RAB9B: variants seen among roughly 807,000 people sequenced by gnomAD.
RAB9B encodes ras-related protein Rab-9B.
A neutral mutation model predicts 8.9 loss-of-function variants in RAB9B; 1 was observed. The observed-to-expected ratio is 0.11, with a 90% CI of 0.04 to 0.53. The LOEUF is 0.53. Ranked by LOEUF, RAB9B falls within the 20% of genes least tolerant of loss-of-function variation. RAB9B has a pLI of 0.93. For missense variants in RAB9B, 82 were observed against 152.9 expected (o/e 0.54, Z 2.45); for synonymous variants, 63 against 57.0 (o/e 1.10, Z -0.47).
chrX:103,819,295 G>A (rs1376053588), downstream of RAB9B, among the ~76,000 whole-genome samples: 1 of 111,950 alleles, frequency 8.9e-6, no homozygotes, highest in African/African-American at 3.3e-5. Flanking sequence ...GAGTGTTATA[G>A]TGAGACCATT....
Position 103,824,455 on chromosome X carries a change from T to C in RAB9B, c.*724A>G, listed in dbSNP as rs993895394. 3 of 112,301 alleles carry C rather than the reference T, an allele frequency of 2.7e-5. No individual in the cohort carries two copies. Among genetic ancestry groups the C allele is most frequent in the African/African-American group, 3.2e-5 (1 of 30,932 alleles). 9.3% of individuals were successfully genotyped at this position (112,301 alleles called of 1,213,427 possible). On this transcript the variant is annotated 3_prime_UTR_variant, in exon 3 of 3. Transcript: ENST00000243298. Reference sequence around the variant, plus strand: ...TTAGGAATTAAAAGCAGACCAACCATTTATTTGCAAAGGTGGTTGGCATAT... The same window carrying C: ...TTAGGAATTAAAAGCAGACCAACCACTTATTTGCAAAGGTGGTTGGCATAT...
chrX:103,787,923 C>T, the RAB9B span: 92 of 1,209,167 alleles, frequency 7.6e-5, no homozygotes, highest in Middle Eastern at 4.6e-4. Flanking sequence ...CCAGCAAGAC[C>T]TCTGCCAGTA....
chrX:103,798,335 A>T, the RAB9B span, among the ~76,000 whole-genome samples: 1 of 112,111 alleles, frequency 8.9e-6, no homozygotes, highest in African/African-American at 3.2e-5. Context: ...TATTTGAAAC[A>T]TGATATTATT....
the RAB9B span, among the ~76,000 whole-genome samples, chrX:103,810,700 T>C: frequency 8.9e-6 from 1 of 111,883 alleles, no homozygotes; most frequent in Non-Finnish European, 1.9e-5. Flanking sequence ...AATCATTCTC[T>C]AACCCAAACC....
the RAB9B span, among the ~76,000 whole-genome samples, chrX:103,778,089 G>A: frequency 1.8e-5 from 2 of 111,660 alleles, no homozygotes; most frequent in African/African-American, 3.3e-5. Context: ...ACAGGGAGTC[G>A]GAAAAATCAG....
At chrX:103,787,056 T>A in the RAB9B span, 2 of 282,625 alleles carry the variant, frequency 7.1e-6, no homozygotes, top group South Asian at 7.3e-5. Flanking sequence ...TGGATCTAAC[T>A]GGACAAGAGT....
chrX:103,798,795 A>C, the RAB9B span, among the ~76,000 whole-genome samples: 1 of 108,607 alleles, frequency 9.2e-6, no homozygotes, highest in Non-Finnish European at 1.9e-5. Context: ...GGCATGCATC[A>C]CCACACCCGG....
the RAB9B span, chrX:103,786,829 C>A: frequency 1.1e-6 from 1 of 884,059 alleles, no homozygotes; most frequent in Non-Finnish European, 1.7e-6. Context: ...CTCTAGGGGC[C>A]TGGCATTTGA....
downstream of RAB9B, among the ~76,000 whole-genome samples, chrX:103,819,309 C>CATTT (rs1455936236): frequency 8.9e-6 from 1 of 111,845 alleles, no homozygotes; most frequent in East Asian, 2.8e-4. Context: ...GACCATTATA[C>CATTT]ATTTACCCAT....
the RAB9B span, among the ~76,000 whole-genome samples, chrX:103,796,840 G>A: frequency 5.7e-5 from 3 of 52,514 alleles, no homozygotes; most frequent in African/African-American, 1.7e-4. Flanking sequence ...GCGAGACACC[G>A]CCTCTACAAA....
At chrX:103,787,721 T>TC in the RAB9B span, 20 of 887,123 alleles carry the variant, frequency 2.3e-5, no homozygotes, top group Non-Finnish European at 3.0e-5. Flanking sequence ...CACACGCCAC[T>TC]CCAGGATCTC....
At chrX:103,790,563 G>A in the RAB9B span, 58 of 1,206,558 alleles carry the variant, frequency 4.8e-5, no homozygotes, top group South Asian at 3.4e-4. Context: ...CAACTTTGCC[G>A]TCCTTAAACT....
At position 103,825,218 on chromosome X, in the gene RAB9B, G is replaced by A. The variant is rs2074678859; in HGVS notation, c.567C>T (p.Asp189=). 1 of 1,211,105 alleles carries A rather than the reference G, an allele frequency of 8.3e-7. No individual in the cohort carries two copies. Among genetic ancestry groups the A allele is most frequent in the East Asian group, 3.0e-5 (1 of 33,812 alleles). Residue 189 remains aspartate (D), a synonymous_variant, in exon 3 of 3, where the codon GAC becomes GAT. Transcript: ENST00000243298. ...ACCCTGCTTTGGAGCCACTGTTCAA[G>A]TCAATGGTGTGACCCAACATGCAAT... The part of the protein sequence containing the change: ...LEHCMLGHTI[D]LNSGSKAGSS...
the RAB9B span, among the ~76,000 whole-genome samples, chrX:103,813,237 T>C: frequency 9.0e-6 from 1 of 110,533 alleles, no homozygotes; most frequent in Non-Finnish European, 1.9e-5. Flanking sequence ...TTATTGTCTA[T>C]AAAAAGAAGG....
downstream of RAB9B, among the ~76,000 whole-genome samples, chrX:103,820,186 C>A (rs1257305103): frequency 8.9e-6 from 1 of 112,241 alleles, no homozygotes; most frequent in Non-Finnish European, 1.9e-5. Flanking sequence ...TTATAGCCTA[C>A]CAAGCTTATG....
At chrX:103,786,987 C>T in the RAB9B span, 10 of 407,220 alleles carry the variant, frequency 2.5e-5, no homozygotes, top group Middle Eastern at 1.4e-3. Flanking sequence ...TACAATCAGA[C>T]CATTTCTAAG....
chrX:103,789,297 G>A, the RAB9B span: 6 of 1,056,042 alleles, frequency 5.7e-6, no homozygotes, highest in Non-Finnish European at 8.0e-6. Flanking sequence ...TACTGCTGTT[G>A]CAAGAAACAG....
At chrX:103,808,181 C>T in the RAB9B span, among the ~76,000 whole-genome samples, 717 of 112,050 alleles carry the variant, frequency 6.4e-3, 5 homozygotes, top group Non-Finnish European at 0.011. Context: ...ACCATGGGCT[C>T]TGCTGCCAGG....
chrX:103,784,589 C>A, the RAB9B span, among the ~76,000 whole-genome samples: 5 of 112,038 alleles, frequency 4.5e-5, no homozygotes, highest in African/African-American at 1.6e-4. Flanking sequence ...AACAAATACA[C>A]ACGATGCTCA....
Sources: allele counts gnomAD v4.1 joint callset (sites outside exome capture counted in the v4.1 genomes callset), GRCh38; gene constraint gnomAD v4.1.1; transcripts MANE v1.5; gene names NCBI Gene and HGNC (gene_info 2026-07-23, HGNC 2026-07-21).